The following FBP1 variants were observed in gnomAD, a reference collection of about 807,000 sequenced individuals.
The protein encoded by FBP1 is fructose-1,6-bisphosphatase 1.
In FBP1, 22 loss-of-function variants were observed where a neutral mutation model predicts 29.9. The observed-to-expected ratio is 0.74, with a 90% CI of 0.53 to 1.05. FBP1 has a LOEUF of 1.05. Among genes scored for constraint, FBP1 ranks in the 50% least tolerant of loss-of-function variants. The pLI is 0.00. For synonymous variants in FBP1, 175 were observed against 178.6 expected, an observed-to-expected ratio of 0.98 and a Z score of 0.16; for missense variants, 345 against 448.2, an observed-to-expected ratio of 0.77 and a Z score of 2.08.
intron 1 of FBP1, among the ~76,000 whole-genome samples, chr9:94,621,398 A>AAAAATATAT (rs58726402): frequency 1.4e-5 from 2 of 146,142 alleles, no homozygotes; most frequent in Admixed American, 6.7e-5. Flanking sequence ...TCCGTCTAAA[A>AAAAATATAT]ATATATATAT....
At chr9:94,630,454 T>C (rs1235307489) in intron 1 of FBP1, among the ~76,000 whole-genome samples, 1 of 152,150 alleles carries the variant, frequency 6.6e-6, no homozygotes, top group Non-Finnish European at 1.5e-5. Flanking sequence ...AGTGTAATGG[T>C]CAAGGCCCCA....
intron 1 of FBP1, among the ~76,000 whole-genome samples, chr9:94,634,020 G>A (rs1828152236): frequency 6.6e-6 from 1 of 150,668 alleles, no homozygotes; most frequent in Admixed American, 6.6e-5. Context: ...CAGACCGGGC[G>A]CAGTGGCTCA....
chr9:94,616,126 C>T (rs1360472738), intron 3 of FBP1, among the ~76,000 whole-genome samples: 2 of 152,042 alleles, frequency 1.3e-5, no homozygotes, highest in Admixed American at 6.6e-5. Flanking sequence ...TCTCGCTAGG[C>T]CAAGGGTCTC....
intron 1 of FBP1, among the ~76,000 whole-genome samples, chr9:94,629,649 G>A (rs1379351052): frequency 6.6e-6 from 1 of 152,116 alleles, no homozygotes; most frequent in Non-Finnish European, 1.5e-5. Flanking sequence ...CACTCCTGGG[G>A]AGGTAGGGGG....
chr9:94,637,189 T>A (rs542225766), intron 1 of FBP1, among the ~76,000 whole-genome samples: 4 of 152,112 alleles, frequency 2.6e-5, no homozygotes, highest in African/African-American at 7.2e-5. Context: ...CTGCTTAATA[T>A]TCAAAAATAA....
intron 3 of FBP1, among the ~76,000 whole-genome samples, chr9:94,613,944 G>A (rs1827824595): frequency 1.3e-5 from 2 of 151,174 alleles, no homozygotes; most frequent in Admixed American, 6.6e-5. Flanking sequence ...AGCCAAGCGT[G>A]GTGGCGGGCG....
At position 94,625,026 on chromosome 9, in the gene FBP1, C is replaced by T. The variant is rs1828002219; in HGVS notation, c.171-4535G>A. Among the ~76,000 whole-genome samples the T allele has an allele frequency of 2.6e-5, 4 of 151,854 alleles. No individual in the cohort carries two copies. The South Asian group carries it at 8.3e-4, about 32-fold the overall frequency. Reference sequence around the variant, plus strand: ...TAACTGTGTCCCAAACACAGGGGCACCGTGACTTGTTTTGTGGGATTAAAT... The same window carrying T: ...TAACTGTGTCCCAAACACAGGGGCATCGTGACTTGTTTTGTGGGATTAAAT... On this transcript the variant is annotated intron_variant, in intron 1 of 6. Transcript: ENST00000375326.
intron 3 of FBP1, among the ~76,000 whole-genome samples, chr9:94,616,494 G>A (rs888074855): frequency 3.6e-4 from 46 of 126,942 alleles, no homozygotes; most frequent in African/African-American, 1.3e-3. Flanking sequence ...AGGCTGGAGT[G>A]CAGTGGTGTG....
At chr9:94,627,559 G>A (rs990277489) in intron 1 of FBP1, among the ~76,000 whole-genome samples, 3 of 152,186 alleles carry the variant, frequency 2.0e-5, no homozygotes, top group East Asian at 1.9e-4. Flanking sequence ...CGAATGCAGC[G>A]GCTGCCATCC....
intron 1 of FBP1, among the ~76,000 whole-genome samples, chr9:94,633,422 A>G (rs1382590454): frequency 6.6e-6 from 1 of 152,096 alleles, no homozygotes; most frequent in Non-Finnish European, 1.5e-5. Context: ...CTCCTTTTCT[A>G]TACCCCCAAA....
intron 1 of FBP1, among the ~76,000 whole-genome samples, chr9:94,631,956 G>A (rs28402404): frequency 0.094 from 14,262 of 151,954 alleles, 821 homozygotes; most frequent in East Asian, 0.23. Flanking sequence ...AAACAGGATG[G>A]AACGTGGCTG....
intron 1 of FBP1, among the ~76,000 whole-genome samples, chr9:94,632,745 T>C (rs986344728): frequency 6.6e-6 from 1 of 152,194 alleles, no homozygotes; most frequent in Admixed American, 6.5e-5. Context: ...TAAACTTAAT[T>C]GATCCTCCTA....
rs563289306 is a variant in FBP1 at position 94,627,523 on chromosome 9, C to G, written c.171-7032G>C. On this transcript the variant is annotated intron_variant, in intron 1 of 6. Transcript: ENST00000375326. ...TCAATAGCAGGTGTGGGTCTCAGCT[C>G]CTGGTGAGACAGCCCTGAGCCCTAG... 1.8e-4 allele frequency among the ~76,000 whole-genome samples: 27 copies of G among 152,190 alleles called. No individual in the cohort carries two copies. In the East Asian group the frequency reaches 5.0e-3, roughly 28 times the overall value.
chr9:94,628,878 T>C (rs1159155433), intron 1 of FBP1, among the ~76,000 whole-genome samples: 3 of 152,270 alleles, frequency 2.0e-5, no homozygotes, highest in Non-Finnish European at 4.4e-5. Flanking sequence ...ATTCACACTA[T>C]ATTTAAATAC....
At chr9:94,618,456 A>T (rs960538914) in intron 2 of FBP1, among the ~76,000 whole-genome samples, 80 of 780 alleles carry the variant, frequency 0.1, no homozygotes, top group South Asian at 0.28. Context: ...CTCCTTCTGT[A>T]AAAAAAAAAA....
chr9:94,623,843 G>A (rs1329402762), intron 1 of FBP1, among the ~76,000 whole-genome samples: 1 of 152,164 alleles, frequency 6.6e-6, no homozygotes, highest in African/African-American at 2.4e-5. Flanking sequence ...TATTCTACTG[G>A]GGTGAGCACA....
chr9:94,623,129 C>T (rs376259681), intron 1 of FBP1, among the ~76,000 whole-genome samples: 1 of 152,164 alleles, frequency 6.6e-6, no homozygotes, highest in African/African-American at 2.4e-5. Context: ...GGACTATAGC[C>T]GTATGCCACC....
At chr9:94,604,291 G>A (rs1827659379) in intron 6 of FBP1, among the ~76,000 whole-genome samples, 1 of 152,066 alleles carries the variant, frequency 6.6e-6, no homozygotes, top group Admixed American at 6.6e-5. Flanking sequence ...AATTTCGGGG[G>A]ACTTTAGAGA....
chr9:94,609,027 C>A (rs1202952060), intron 4 of FBP1, among the ~76,000 whole-genome samples: 3 of 151,952 alleles, frequency 2.0e-5, no homozygotes, highest in Non-Finnish European at 4.4e-5. Context: ...ATGGCGAAAC[C>A]CCGTCTCTAC....
Sources: gnomAD v4.1 joint callset for allele counts (sites outside exome capture counted in the v4.1 genomes callset) on GRCh38, gnomAD v4.1.1 for gene constraint, MANE v1.5 for transcripts, NCBI Gene and HGNC (gene_info 2026-07-23, HGNC 2026-07-21) for gene names.